The following VAC14 variants were observed in gnomAD, a reference collection of about 807,000 sequenced individuals.
VAC14 encodes protein VAC14 homolog.
VAC14 carries 47 observed loss-of-function variants against 85.3 expected under a neutral mutation model. The ratio of observed to expected loss-of-function variants is 0.55; its 90% CI spans 0.44 to 0.70. The LOEUF is 0.70. VAC14 is among the 30% of genes least tolerant of loss of function. VAC14 has a pLI of 0.00. For missense variants in VAC14, 861 were observed against 1,004.3 expected (o/e 0.86, Z 1.93); for synonymous variants, 447 against 430.5 (o/e 1.04, Z -0.47).
chr16:70,741,418 T>C (rs1341441516), intron 13 of VAC14, among the ~76,000 whole-genome samples: 1 of 152,242 alleles, frequency 6.6e-6, no homozygotes, highest in Non-Finnish European at 1.5e-5. Context: ...GGGCACACTC[T>C]GGCTCCCCTG....
At chr16:70,732,753 T>C (rs1349000231) in intron 13 of VAC14, among the ~76,000 whole-genome samples, 1 of 152,000 alleles carries the variant, frequency 6.6e-6, no homozygotes, top group Non-Finnish European at 1.5e-5. Context: ...AGCTATCCTC[T>C]TGTCCCAGCC....
At position 70,762,653 on chromosome 16, in the gene VAC14, G is replaced by C. The variant is rs376975853; in HGVS notation, c.1306-48C>G. The C allele has an allele frequency of 1.9e-6, 3 of 1,596,022 alleles. No individual in the cohort carries two copies. The highest frequency in any genetic ancestry group is 2.2e-5 in the East Asian group (1 of 44,450). On this transcript the variant is annotated intron_variant, in intron 11 of 18. Coordinates refer to ENST00000261776, the MANE Select transcript of VAC14 (RefSeq NM_018052.5). The surrounding 1 kb of genome is among the most constrained non-coding windows in gnomAD (Gnocchi z 4.1). ...TGCCCGTGAGTGCTCCCTTCGCCCC[G>C]GGACTACGTGCAGTGCAGTGTCCCG...
chr16:70,708,889 C>T lies in VAC14; in HGVS notation c.1662-10078G>A, dbSNP rs75212188. On this transcript the variant is annotated intron_variant, in intron 14 of 18. Transcript: ENST00000261776. ...CCCGGCCATGAAGCCTTGGCACGGC[C>T]GCAGGGACCTTCTTGCATGCTGAAT... 4.9e-4 allele frequency among the ~76,000 whole-genome samples: 74 copies of T among 152,290 alleles called. 3 individuals are homozygous for T. The East Asian group carries it at 0.012, about 25-fold the overall frequency.
At position 70,800,965 on chromosome 16, in the gene VAC14, G is replaced by A. The variant is rs2034776739; in HGVS notation, c.-65C>T. ...GCTGCCGGGGCCGCGCCGGGGCCAG[G>A]GGAGTCTGCGGCTCCGCTCTGCCCC... On this transcript the variant is annotated 5_prime_UTR_variant, in exon 1 of 19. Coordinates refer to ENST00000261776, the MANE Select transcript of VAC14 (RefSeq NM_018052.5). 2 of 1,240,484 alleles carry A rather than the reference G, an allele frequency of 1.6e-6. No individual in the cohort carries two copies. The highest frequency in any genetic ancestry group is 1.6e-5 in the African/African-American group (1 of 63,202). The allele number at this position is 1,240,484 out of a possible 1,614,324, so 76.8% of individuals were successfully genotyped here.
At chr16:70,746,256 C>T (rs146932662) in intron 12 of VAC14, among the ~76,000 whole-genome samples, 8 of 152,286 alleles carry the variant, frequency 5.3e-5, no homozygotes, top group Admixed American at 3.9e-4. Context: ...CGTGTTGGCA[C>T]GCAATCTCCC....
chr16:70,699,042 G>A (rs941587317), intron 14 of VAC14, among the ~76,000 whole-genome samples: 4 of 152,268 alleles, frequency 2.6e-5, no homozygotes, highest in Admixed American at 6.5e-5. Context: ...GCCTAGCCAC[G>A]CCAGGGCGCC....
rs566832842 is a variant in VAC14 at position 70,689,463 on chromosome 16, A to G, written c.2187-1373T>C. ...GAAGAGTCAACGGCCAGAGCCTGAC[A>G]GTTGCTTCAGGTGGCCACCAGCCTG... On this transcript the variant is annotated intron_variant, in intron 18 of 18. Transcript: ENST00000261776. The G allele has an allele frequency of 1.9e-5, 18 of 943,040 alleles. No homozygotes were observed. The South Asian group carries it at 7.3e-4, about 38-fold the overall frequency. 58.4% of individuals were successfully genotyped at this position (943,040 alleles called of 1,614,324 possible). A position where few individuals can be genotyped will look rare whatever the true frequency, so the allele number is the denominator to read the frequency against.
At chr16:70,784,503 G>T (rs942243286) in intron 4 of VAC14, among the ~76,000 whole-genome samples, 11 of 152,164 alleles carry the variant, frequency 7.2e-5, no homozygotes, top group Admixed American at 6.5e-4. Context: ...CCTGCTGTCA[G>T]GGCCAGAGAG....
intron 1 of VAC14, among the ~76,000 whole-genome samples, chr16:70,794,296 C>A (rs1222149620): frequency 6.6e-6 from 1 of 152,218 alleles, no homozygotes; most frequent in Non-Finnish European, 1.5e-5. Flanking sequence ...ACTCCCCATT[C>A]CCCCGCGCCC....
chr16:70,750,110 G>A (rs2031256056), intron 12 of VAC14, among the ~76,000 whole-genome samples: 1 of 152,090 alleles, frequency 6.6e-6, no homozygotes, highest in African/African-American at 2.4e-5. Flanking sequence ...CTTACTGTGA[G>A]CCCCTCTCAA....
intron 14 of VAC14, among the ~76,000 whole-genome samples, chr16:70,708,313 C>G (rs1409947544): frequency 6.6e-6 from 1 of 152,142 alleles, no homozygotes; most frequent in African/African-American, 2.4e-5. Context: ...AGGGCTGGGC[C>G]CCTACAGGCA....
At chr16:70,750,431 G>A (rs897595656) in intron 12 of VAC14, among the ~76,000 whole-genome samples, 23 of 152,026 alleles carry the variant, frequency 1.5e-4, no homozygotes, top group Non-Finnish European at 2.4e-4. Context: ...AGCGCCTGCC[G>A]TTACCATGGT....
At position 70,692,903 on chromosome 16, in the gene VAC14, T is replaced by G. The variant is rs769800350; in HGVS notation, c.2104A>C (p.Met702Leu). ...AAGGCGCTGCTCTGCGGCAGGAGCA[T>G]GAGCAGGCCGTAGAGGGCCTTGATC... ...YLIKALYGLL[M>L]LLPQSSAFQL... The change falls in exon 18 of 19, where the codon ATG (methionine) becomes CTG (leucine). Residue 702 changes from methionine to leucine, a missense_variant. Physicochemically the swap from Met to Leu is conservative, Grantham distance 15 (BLOSUM62 2). This residue lies in a region of VAC14 where 163 missense variants were observed against 162.2 expected (regional missense o/e 1.00). Coordinates refer to ENST00000261776, the MANE Select transcript of VAC14 (RefSeq NM_018052.5). 8.7e-6 allele frequency: 14 copies of G among 1,609,764 alleles called. No homozygotes were observed. Among genetic ancestry groups the G allele is most frequent in the Non-Finnish European group, 1.2e-5 (14 of 1,178,994 alleles).
At position 70,780,950 on chromosome 16, in the gene VAC14, T is replaced by C. The variant is rs896649559; in HGVS notation, c.947-11A>G. ...CCACTTCTTTGATGCCTGAGTCCAC[T>C]GATGTAAGGAGCGTGATCTGATTTG... On this transcript the variant is annotated splice_polypyrimidine_tract_variant and intron_variant, in intron 8 of 18. Coordinates refer to ENST00000261776, the MANE Select transcript of VAC14 (RefSeq NM_018052.5). The C allele has an allele frequency of 6.2e-7, 1 of 1,614,034 alleles. No individual in the cohort carries two copies. Among genetic ancestry groups the C allele is most frequent in the Non-Finnish European group, 8.5e-7 (1 of 1,179,994 alleles).
Position 70,762,403 on chromosome 16 carries a change from TG to T in VAC14, c.1371+136del. The T allele has an allele frequency of 1.1e-6, 1 of 912,894 alleles. No homozygotes were observed. The highest frequency in any genetic ancestry group is 2.8e-5 in the East Asian group (1 of 36,268). 56.5% of individuals were successfully genotyped at this position (912,894 alleles called of 1,614,324 possible). On this transcript the variant is annotated intron_variant, in intron 12 of 18. Coordinates refer to ENST00000261776, the MANE Select transcript of VAC14 (RefSeq NM_018052.5). The surrounding 1 kb of genome is among the most constrained non-coding windows in gnomAD (Gnocchi z 4.1). The stretch of plus-strand genomic sequence containing the variant: ...AAAAACAGGTGTGAGCCACTGCACC[TG>T]GCCCCAAAGTGAGTATTAAACACAG...
At chr16:70,782,073 A>T in intron 7 of VAC14, 70 bp from the exon 8 acceptor site, 2 of 1,569,682 alleles carry the variant, frequency 1.3e-6, no homozygotes, top group Non-Finnish European at 1.7e-6. Context: ...CATTGACCAT[A>T]CACGTGGGAT....
At chr16:70,773,845 A>G (rs1445745254) in intron 9 of VAC14, among the ~76,000 whole-genome samples, 1 of 151,912 alleles carries the variant, frequency 6.6e-6, no homozygotes, top group African/African-American at 2.4e-5. Flanking sequence ...GCTCACTGCA[A>G]TCTTCGCCTC....
intron 18 of VAC14, chr16:70,691,771 A>G (rs1362330607): frequency 1.0e-6 from 1 of 985,068 alleles, no homozygotes; most frequent in African/African-American, 1.7e-5. Flanking sequence ...GGTGCCCCAC[A>G]CTCAGCCATC....
chr16:70,751,034 A>G (rs933265292), intron 12 of VAC14, among the ~76,000 whole-genome samples: 14 of 152,190 alleles, frequency 9.2e-5, no homozygotes, highest in African/African-American at 3.1e-4. Context: ...GCTGACCTGC[A>G]GCGTTGGACA....
Sources: gnomAD v4.1 joint callset for allele counts (sites outside exome capture counted in the v4.1 genomes callset) on GRCh38, gnomAD v4.1.1 for gene constraint, gnomAD v4.1.1 regional missense constraint, Gnocchi (gnomAD v3.1) non-coding constraint, MANE v1.5 for transcripts, NCBI Gene and HGNC (gene_info 2026-07-23, HGNC 2026-07-21) for gene names.